The following PCDHA11 variants were observed in gnomAD, a reference collection of about 807,000 sequenced individuals.
PCDHA11 encodes the protein protocadherin alpha-11.
A neutral mutation model predicts 70.3 loss-of-function variants in PCDHA11; 61 were observed. The observed-to-expected ratio is 0.87, with a 90% CI of 0.71 to 1.07. PCDHA11 has a LOEUF of 1.07. Among genes scored for constraint, PCDHA11 ranks in the 50% least tolerant of loss-of-function variants. PCDHA11 has a pLI of 0.00. For missense variants in PCDHA11, 1,324 were observed against 1,237.5 expected (o/e 1.07, Z -1.05); for synonymous variants, 633 against 555.1 (o/e 1.14, Z -1.97).
At chr5:140,915,535 A>G (rs1482564103) in intron 1 of PCDHA11, among the ~76,000 whole-genome samples, 1 of 152,002 alleles carries the variant, frequency 6.6e-6, no homozygotes, top group African/African-American at 2.4e-5. Context: ...ACCATCTTGG[A>G]GGTCTTGAAT....
chr5:140,900,927 G>A (rs2068371563), intron 1 of PCDHA11, among the ~76,000 whole-genome samples: 2 of 152,056 alleles, frequency 1.3e-5, no homozygotes, highest in South Asian at 4.1e-4. Context: ...ATATCTCATT[G>A]TAGTTTTGAT....
intron 1 of PCDHA11, chr5:140,884,661 A>C: frequency 6.3e-7 from 1 of 1,590,384 alleles, no homozygotes; most frequent in African/African-American, 1.3e-5. Context: ...TGCTTGAAAG[A>C]GGTAAGCTTA....
At chr5:140,991,078 A>T (rs1378051907) in intron 3 of PCDHA11, among the ~76,000 whole-genome samples, 1 of 152,188 alleles carries the variant, frequency 6.6e-6, no homozygotes, top group Non-Finnish European at 1.5e-5. Context: ...TGTTTCAGAT[A>T]AAAAAATTAA....
chr5:140,929,234 G>A (rs781843995), intron 1 of PCDHA11: 1 of 1,613,838 alleles, frequency 6.2e-7, no homozygotes, highest in Non-Finnish European at 8.5e-7. Flanking sequence ...GCCGACCTGC[G>A]AAATCTTGCC....
intron 1 of PCDHA11, chr5:140,969,383 C>T: frequency 6.3e-6 from 10 of 1,597,986 alleles, no homozygotes; most frequent in African/African-American, 1.3e-5. Context: ...TGTTACACAT[C>T]CCCCAATATC....
intron 1 of PCDHA11, among the ~76,000 whole-genome samples, chr5:140,965,464 C>T (rs987279720): frequency 1.3e-5 from 2 of 151,782 alleles, no homozygotes; most frequent in Admixed American, 1.3e-4. Context: ...AAGATAAATC[C>T]CAGACTCCCA....
chr5:140,885,941 T>G (rs2060783691), intron 1 of PCDHA11, among the ~76,000 whole-genome samples: 1 of 152,196 alleles, frequency 6.6e-6, no homozygotes, highest in Non-Finnish European at 1.5e-5. Flanking sequence ...TTTTTTGACA[T>G]TTTTAATTAA....
At chr5:140,960,922 G>C (rs562658138) in intron 1 of PCDHA11, among the ~76,000 whole-genome samples, 1 of 152,272 alleles carries the variant, frequency 6.6e-6, no homozygotes, top group East Asian at 1.9e-4. Flanking sequence ...ATAGAAAATT[G>C]GTACTAAGTT....
intron 1 of PCDHA11, chr5:140,930,486 G>T (rs1211564539): frequency 6.6e-6 from 1 of 152,320 alleles, no homozygotes; most frequent in Non-Finnish European, 1.5e-5. Flanking sequence ...GCCTCCCAAA[G>T]TGCTGGGATT....
chr5:140,877,821 T>C (rs2057358206), intron 1 of PCDHA11: 1 of 1,603,226 alleles, frequency 6.2e-7, no homozygotes, highest in East Asian at 2.2e-5. Flanking sequence ...GAGAAGATTG[T>C]TTAAATCCTC....
chr5:140,995,918 G>A (rs1303145667), intron 3 of PCDHA11, among the ~76,000 whole-genome samples: 1 of 152,180 alleles, frequency 6.6e-6, no homozygotes, highest in Non-Finnish European at 1.5e-5. Flanking sequence ...GAGACCATAG[G>A]CTGTTGTAAG....
chr5:140,883,746 C>A (rs1554179687), intron 1 of PCDHA11: 1 of 1,613,326 alleles, frequency 6.2e-7, no homozygotes, highest in Non-Finnish European at 8.5e-7. Context: ...GTCTCCTACT[C>A]GCTGGTGGAG....
At chr5:140,966,695 C>CGGGCGTG in intron 1 of PCDHA11, 1 of 1,358,486 alleles carries the variant, frequency 7.4e-7, no homozygotes, top group Non-Finnish European at 9.5e-7. Flanking sequence ...AGGCGGGGCC[C>CGGGCGTG]GGGCGTGGGG....
intron 1 of PCDHA11, among the ~76,000 whole-genome samples, chr5:140,940,974 A>G (rs1206597858): frequency 6.6e-6 from 1 of 152,220 alleles, no homozygotes; most frequent in Non-Finnish European, 1.5e-5. Flanking sequence ...GATATCTGGT[A>G]TCTAGTTACA....
chr5:140,933,937 T>A (rs1369497002), intron 1 of PCDHA11, among the ~76,000 whole-genome samples: 1 of 152,082 alleles, frequency 6.6e-6, no homozygotes. Context: ...GTGACTTTTT[T>A]TCACATCTGC....
chr5:140,961,338 G>C (rs1554225370), intron 1 of PCDHA11, among the ~76,000 whole-genome samples: 1 of 152,170 alleles, frequency 6.6e-6, no homozygotes, highest in Non-Finnish European at 1.5e-5. Flanking sequence ...GAGACCAAGA[G>C]TGGATCCCTG....
At chr5:140,927,471 C>A (rs1371582285) in intron 1 of PCDHA11, 2 of 1,613,968 alleles carry the variant, frequency 1.2e-6, no homozygotes, top group African/African-American at 1.3e-5. Flanking sequence ...CACTGGATCG[C>A]GAACAGCGCG....
At chr5:140,973,276 C>G (rs1416819589) in intron 1 of PCDHA11, among the ~76,000 whole-genome samples, 1 of 152,132 alleles carries the variant, frequency 6.6e-6, no homozygotes, top group African/African-American at 2.4e-5. Context: ...TTTATTTCCC[C>G]CAGCACTGAT....
At chr5:140,889,231 T>G (rs1456128446) in intron 1 of PCDHA11, among the ~76,000 whole-genome samples, 2 of 151,912 alleles carry the variant, frequency 1.3e-5, no homozygotes, top group Non-Finnish European at 2.9e-5. Flanking sequence ...TTTGAAAACT[T>G]CCAGAAAATT....
Sources: allele counts gnomAD v4.1 joint callset (sites outside exome capture counted in the v4.1 genomes callset), GRCh38; gene constraint gnomAD v4.1.1; transcripts MANE v1.5; gene names NCBI Gene and HGNC (gene_info 2026-07-23, HGNC 2026-07-21).